MCTP1: variants seen among roughly 807,000 people sequenced by gnomAD.
The protein encoded by MCTP1 is multiple C2 and transmembrane domain-containing protein 1.
Under a neutral mutation model 120.6 loss-of-function variants are expected in MCTP1, and 69 were observed. The ratio of observed to expected loss-of-function variants is 0.57; its 90% CI spans 0.47 to 0.70. The LOEUF is 0.70. Among genes scored for constraint, MCTP1 ranks in the 30% least tolerant of loss-of-function variants. MCTP1 has a pLI of 0.00. For synonymous variants in MCTP1, 529 were observed against 493.1 expected (o/e 1.07, Z -0.96); for missense variants, 1,203 against 1,248.8 (o/e 0.96, Z 0.55).
In MCTP1 at chr5:94,837,755, G is replaced by A. The variant is rs147739736; in HGVS notation, c.2436+30578C>T. Among the ~76,000 whole-genome samples, 49 of 152,268 alleles carry A rather than the reference G, an allele frequency of 3.2e-4. No homozygotes were observed. The East Asian group carries it at 7.7e-3, about 24-fold the overall frequency. The stretch of plus-strand genomic sequence containing the variant: ...GGGTTTCAGGGTGGAGATGAGAGAC[G>A]GGGGCGCTGGTTAATTGACAGTCAT... On this transcript the variant is annotated intron_variant, in intron 17 of 22. Transcript: ENST00000515393.
At chr5:95,237,964 T>C (rs1466819769) in intron 1 of MCTP1, among the ~76,000 whole-genome samples, 1 of 152,036 alleles carries the variant, frequency 6.6e-6, no homozygotes, top group African/African-American at 2.4e-5. Context: ...CTGCAAACCA[T>C]AACTGACATA....
At chr5:95,100,878 T>C (rs1756671616) in intron 1 of MCTP1, among the ~76,000 whole-genome samples, 1 of 152,180 alleles carries the variant, frequency 6.6e-6, no homozygotes, top group African/African-American at 2.4e-5. Context: ...CAAAACAAAC[T>C]AACAGTTTAT....
At chr5:94,876,036 A>G (rs1036775202) in intron 12 of MCTP1, among the ~76,000 whole-genome samples, 3 of 152,166 alleles carry the variant, frequency 2.0e-5, no homozygotes, top group African/African-American at 7.2e-5. Flanking sequence ...TTCAACCAAA[A>G]TACTAGTAAA....
At chr5:95,169,031 G>A (rs903561334) in intron 1 of MCTP1, among the ~76,000 whole-genome samples, 2 of 152,094 alleles carry the variant, frequency 1.3e-5, no homozygotes, top group African/African-American at 4.8e-5. Flanking sequence ...ATTGGCTGTG[G>A]GTTTGTCATA....
At chr5:94,912,054 T>C (rs1400037125) in intron 9 of MCTP1, among the ~76,000 whole-genome samples, 1 of 152,182 alleles carries the variant, frequency 6.6e-6, no homozygotes, top group African/African-American at 2.4e-5. Flanking sequence ...ATTTGCTATT[T>C]GCATTGGTAC....
At chr5:94,788,692 A>G (rs1229160039) in intron 18 of MCTP1, 2 of 127,364 alleles carry the variant, frequency 1.6e-5, no homozygotes, top group Non-Finnish European at 3.3e-5. Flanking sequence ...CTCCCTCCCC[A>G]TGTTTAGAAT....
At chr5:95,186,314 T>C (rs1749211654) in intron 1 of MCTP1, among the ~76,000 whole-genome samples, 1 of 151,264 alleles carries the variant, frequency 6.6e-6, no homozygotes, top group African/African-American at 2.4e-5. Context: ...ATAAGCAAGT[T>C]TTGCAAAGTT....
intron 17 of MCTP1, among the ~76,000 whole-genome samples, chr5:94,801,307 A>C (rs1267449443): frequency 6.6e-6 from 1 of 152,232 alleles, no homozygotes; most frequent in East Asian, 1.9e-4. Context: ...TTCCCCAATC[A>C]TTCTACAGAA....
At chr5:94,893,200 GA>G (rs1280476922) in intron 11 of MCTP1, among the ~76,000 whole-genome samples, 2 of 151,694 alleles carry the variant, frequency 1.3e-5, no homozygotes, top group Non-Finnish European at 2.9e-5. Context: ...CCAGCAAAAA[GA>G]AAAAAAATTA....
chr5:95,187,763 A>G (rs1012118719), intron 1 of MCTP1, among the ~76,000 whole-genome samples: 28 of 152,164 alleles, frequency 1.8e-4, no homozygotes, highest in Admixed American at 6.5e-5. Context: ...GAGGATAGTT[A>G]ATGGGTACAA....
At chr5:94,737,352 A>T (rs536497415) in intron 19 of MCTP1, among the ~76,000 whole-genome samples, 1 of 152,196 alleles carries the variant, frequency 6.6e-6, no homozygotes, top group Non-Finnish European at 1.5e-5. Context: ...TAAGTAGAAG[A>T]GATAGGCTCT....
intron 2 of MCTP1, among the ~76,000 whole-genome samples, chr5:95,012,262 A>G (rs1430098639): frequency 2.6e-5 from 4 of 152,132 alleles, no homozygotes; most frequent in African/African-American, 7.2e-5. Flanking sequence ...ATTTGTAACT[A>G]TCTCCAACAA....
chr5:94,903,505 A>G (rs1442712090), intron 10 of MCTP1, among the ~76,000 whole-genome samples: 1 of 152,242 alleles, frequency 6.6e-6, no homozygotes. Context: ...AGAGAGAGCC[A>G]TAGATTTATT....
At chr5:95,234,554 C>T (rs890811853) in intron 1 of MCTP1, among the ~76,000 whole-genome samples, 1 of 152,174 alleles carries the variant, frequency 6.6e-6, no homozygotes, top group African/African-American at 2.4e-5. Context: ...CGAGAACCAA[C>T]GCAGTTATTG....
chr5:95,164,285 C>T (rs1746075327), intron 1 of MCTP1, among the ~76,000 whole-genome samples: 1 of 146,626 alleles, frequency 6.8e-6, no homozygotes, highest in Non-Finnish European at 1.5e-5. Flanking sequence ...AATCACTTTC[C>T]TTTCTTATTC....
intron 18 of MCTP1, among the ~76,000 whole-genome samples, chr5:94,794,494 G>A (rs1779617136): frequency 6.6e-6 from 1 of 152,168 alleles, no homozygotes; most frequent in African/African-American, 2.4e-5. Context: ...GCAAGGCCCT[G>A]GACACTAAGA....
At chr5:94,759,854 CT>C (rs35068449) in intron 19 of MCTP1, among the ~76,000 whole-genome samples, 2 of 99,884 alleles carry the variant, frequency 2.0e-5, no homozygotes, top group East Asian at 2.6e-4. Context: ...TGCAAAATGT[CT>C]TTTTTTGTTC....
At chr5:95,176,456 C>A (rs1747991149) in intron 1 of MCTP1, among the ~76,000 whole-genome samples, 1 of 152,102 alleles carries the variant, frequency 6.6e-6, no homozygotes, top group South Asian at 2.1e-4. Flanking sequence ...ATCCAGGAGG[C>A]AGAGGTTGGA....
At chr5:94,707,824 AAAAC>A (rs1755098921) in intron 22 of MCTP1, among the ~76,000 whole-genome samples, 1 of 151,952 alleles carries the variant, frequency 6.6e-6, no homozygotes, top group African/African-American at 2.4e-5. Flanking sequence ...CATTAAAAGT[AAAAC>A]CATCTACATC....
Sources: gnomAD v4.1 joint callset for allele counts (sites outside exome capture counted in the v4.1 genomes callset) on GRCh38, gnomAD v4.1.1 for gene constraint, MANE v1.5 for transcripts, NCBI Gene and HGNC (gene_info 2026-07-23, HGNC 2026-07-21) for gene names.